Variants in RAB5B observed in about 807,000 individuals in gnomAD.
RAB5B encodes ras-related protein Rab-5B.
Under a neutral mutation model 28.6 loss-of-function variants are expected in RAB5B, and 11 were observed. The observed-to-expected ratio is 0.38, with a 90% confidence interval of 0.24 to 0.64. The LOEUF (loss-of-function observed/expected upper bound fraction) is 0.64, where lower values mean the gene tolerates loss of function less well. Ranked by LOEUF, RAB5B falls within the 30% of genes least tolerant of loss-of-function variation. The pLI, the probability that RAB5B is intolerant of heterozygous loss-of-function variation, is 0.53. For synonymous variants in RAB5B, 93 were observed against 97.9 expected (o/e 0.95, Z 0.29); for missense variants, 169 against 265.6 (o/e 0.64, Z 2.53).
chr12:55,978,275 G>A (rs1252299771), intron 1 of RAB5B, among the ~76,000 whole-genome samples: 2 of 152,174 alleles, frequency 1.3e-5, no homozygotes, highest in Non-Finnish European at 2.9e-5. Context: ...TGAGGCGGGT[G>A]GATCACGAGG....
intron 1 of RAB5B, among the ~76,000 whole-genome samples, chr12:55,977,348 T>G (rs1377670950): frequency 6.6e-6 from 1 of 152,144 alleles, no homozygotes; most frequent in Non-Finnish European, 1.5e-5. Context: ...TAAGAGAGTT[T>G]AGGAGTAGAA....
intron 1 of RAB5B, chr12:55,980,717 A>T: frequency 2.5e-6 from 4 of 1,579,518 alleles, no homozygotes; most frequent in Non-Finnish European, 2.6e-6. Flanking sequence ...ATTCTCCATG[A>T]TGCTTTTCAT....
chr12:55,987,335 A>G (rs985739487), intron 2 of RAB5B, among the ~76,000 whole-genome samples: 3 of 151,482 alleles, frequency 2.0e-5, no homozygotes, highest in Non-Finnish European at 4.4e-5. Context: ...TAATTTTTGT[A>G]TTTTTAGTGG....
chr12:55,977,057 G>A (rs552238500), intron 1 of RAB5B, among the ~76,000 whole-genome samples: 93 of 152,004 alleles, frequency 6.1e-4, no homozygotes, highest in Admixed American at 9.8e-4. Context: ...TCACTGCAAC[G>A]TCTGCCTCCT....
rs1432681953 is a variant in RAB5B at position 55,995,997 on chromosome 12, A to ATTTTTTT, written c.*3786_*3787insTTTTTTT. ...CATATATATATACATATATATATAT[A>ATTTTTTT]TATATATTTTTTTTTTAACAACTGG... On this transcript the variant is annotated 3_prime_UTR_variant, in exon 6 of 6. Coordinates refer to ENST00000360299, the MANE Select transcript of RAB5B (RefSeq NM_002868.4). 1 of 100,472 alleles carries ATTTTTTT rather than the reference A, an allele frequency of 1.0e-5. No individual in the cohort carries two copies. The highest frequency in any genetic ancestry group is 1.9e-5 in the Non-Finnish European group (1 of 51,972). The allele number at this position is 100,472 out of a possible 1,614,324, so 6.2% of individuals were successfully genotyped here.
chr12:55,977,282 C>CGT (rs66505706), intron 1 of RAB5B, among the ~76,000 whole-genome samples: 167 of 150,970 alleles, frequency 1.1e-3, no homozygotes, highest in South Asian at 8.6e-3. Flanking sequence ...GCCGTGTGTG[C>CGT]GTGTGTGTGT....
At chr12:55,988,537 T>G (rs1890019942) in intron 2 of RAB5B, among the ~76,000 whole-genome samples, 1 of 152,188 alleles carries the variant, frequency 6.6e-6, no homozygotes, top group Admixed American at 6.5e-5. Flanking sequence ...AGACGGAGTC[T>G]CTGTCGCCCA....
rs980646033 is a variant in RAB5B, at chr12:55,992,666, G to A, written c.*454G>A. 8.1e-5 allele frequency: 32 copies of A among 397,504 alleles called. 1 individual carries two copies. Among genetic ancestry groups the A allele is most frequent in the Middle Eastern group, 6.9e-4 (2 of 2,878 alleles). The allele number at this position is 397,504 out of a possible 1,614,324, so 24.6% of individuals were successfully genotyped here. ...GAAAGTGGTGAACCCAGGAACTGAGGAAGGAGGTTTCCAGTTCATTTACAT... is the reference window on the plus strand; with the variant it reads ...GAAAGTGGTGAACCCAGGAACTGAGAAAGGAGGTTTCCAGTTCATTTACAT... On this transcript the variant is annotated 3_prime_UTR_variant, in exon 6 of 6. Coordinates refer to ENST00000360299, the MANE Select transcript of RAB5B (RefSeq NM_002868.4).
At position 55,995,992 on chromosome 12, in the gene RAB5B, TATATATA is replaced by T. The variant is rs1488314608; in HGVS notation, c.*3781_*3787del. The T allele has an allele frequency of 1.8e-5, 2 of 112,978 alleles. No individual in the cohort carries two copies. Among genetic ancestry groups the T allele is most frequent in the African/African-American group, 7.0e-5 (2 of 28,668 alleles). 7.0% of individuals were successfully genotyped at this position (112,978 alleles called of 1,614,324 possible). On this transcript the variant is annotated 3_prime_UTR_variant, in exon 6 of 6. Transcript: ENST00000360299. Reference sequence around the variant, plus strand: ...CTCTCCATATATATATACATATATATATATATATATATTTTTTTTTTAACAACTGGTA... The same window carrying T: ...CTCTCCATATATATATACATATATATTATATTTTTTTTTTAACAACTGGTA...
At chr12:55,978,327 G>A (rs1299522670) in intron 1 of RAB5B, among the ~76,000 whole-genome samples, 3 of 152,022 alleles carry the variant, frequency 2.0e-5, no homozygotes, top group South Asian at 4.1e-4. Context: ...GTGAAACCCC[G>A]TCTCTACTAA....
Position 55,994,311 on chromosome 12 carries a change from CT to C in RAB5B, c.*2102del, listed in dbSNP as rs1890223496. The C allele has an allele frequency of 1.3e-5, 2 of 152,326 alleles. No individual in the cohort carries two copies. The highest frequency in any genetic ancestry group is 6.5e-5 in the Admixed American group (1 of 15,278). 9.4% of individuals were successfully genotyped at this position (152,326 alleles called of 1,614,324 possible). ...GAAATGAAGTTCTTTCTCTGTGCAG[CT>C]TTCCCCCTTGGAGCAGGAGTGAAGA... On this transcript the variant is annotated 3_prime_UTR_variant, in exon 6 of 6. Transcript: ENST00000360299.
intron 1 of RAB5B, among the ~76,000 whole-genome samples, chr12:55,982,630 G>T (rs935292842): frequency 6.6e-6 from 1 of 152,152 alleles, no homozygotes. Flanking sequence ...AGGGTACGAG[G>T]TAGTCTTTTC....
Position 55,992,121 on chromosome 12 carries a change from C to A in RAB5B, c.557C>A (p.Pro186His). The change falls in exon 6 of 6, where the codon CCC becomes CAC. Residue 186 changes from proline to histidine, a missense_variant. By Grantham distance (77) the Pro-to-His change is moderately conservative. This residue lies in a region of RAB5B where 123 missense variants were observed against 162.4 expected (regional missense o/e 0.76). Coordinates refer to ENST00000360299, the MANE Select transcript of RAB5B (RefSeq NM_002868.4). ...GCTAAGAAGTTGCCAAAGAGTGAAC[C>A]CCAGAATCTGGGAGGTGCAGCAGGC... Reference protein sequence around the residue: ...AIAKKLPKSEPQNLGGAAGRS... With the variant: ...AIAKKLPKSEHQNLGGAAGRS... The A allele has an allele frequency of 6.2e-7, 1 of 1,614,080 alleles. No individual in the cohort carries two copies. Among genetic ancestry groups the A allele is most frequent in the Non-Finnish European group, 8.5e-7 (1 of 1,179,998 alleles).
At chr12:55,988,282 A>T (rs1890011477) in intron 2 of RAB5B, among the ~76,000 whole-genome samples, 2 of 152,218 alleles carry the variant, frequency 1.3e-5, no homozygotes, top group Non-Finnish European at 2.9e-5. Flanking sequence ...CAGTGAGCCA[A>T]AATCACGCCA....
At position 55,984,256 on chromosome 12, in the gene RAB5B, C is replaced by T. The variant is rs1592799876; in HGVS notation, c.-92-2613C>T. Reference sequence around the variant, plus strand: ...CCAGGCTGGAGTACAGTGGTGCAATCTCAGCTCACTGCAACCTCCACCTCA... The same window carrying T: ...CCAGGCTGGAGTACAGTGGTGCAATTTCAGCTCACTGCAACCTCCACCTCA... On this transcript the variant is annotated intron_variant, in intron 1 of 5. Coordinates refer to ENST00000360299, the MANE Select transcript of RAB5B (RefSeq NM_002868.4). 2.6e-5 allele frequency among the ~76,000 whole-genome samples: 4 copies of T among 151,344 alleles called. No homozygotes were observed. In the South Asian group the frequency reaches 8.3e-4, roughly 31 times the overall value.
intron 1 of RAB5B, among the ~76,000 whole-genome samples, chr12:55,981,210 C>T (rs765379080): frequency 1.4e-4 from 21 of 151,962 alleles, no homozygotes; most frequent in Non-Finnish European, 2.5e-4. Flanking sequence ...ATTACAGGCA[C>T]GCACCACCAC....
At chr12:55,988,969 T>C (rs576414527) in intron 2 of RAB5B, among the ~76,000 whole-genome samples, 1 of 128,324 alleles carries the variant, frequency 7.8e-6, no homozygotes, top group African/African-American at 2.9e-5. Context: ...GGATACTGAG[T>C]CTCACCCTGT....
rs1890064758 is a variant in RAB5B at position 55,990,091 on chromosome 12, C to T, written c.308C>T (p.Thr103Ile). ...AQAAIVVYDI[T>I]NQETFARAKT... ...GCTGCAATCGTGGTTTACGACATTACTAATCAGGTAAGTGAGCTAAGAAGA... is the reference window on the plus strand; with the variant it reads ...GCTGCAATCGTGGTTTACGACATTATTAATCAGGTAAGTGAGCTAAGAAGA... The change falls in exon 3 of 6, where the codon ACT becomes ATT. Residue 103 changes from threonine (T) to isoleucine (I), a missense_variant. By Grantham distance (89) the Thr-to-Ile change is moderately conservative. Coordinates refer to ENST00000360299, the MANE Select transcript of RAB5B (RefSeq NM_002868.4). 6.2e-7 allele frequency: 1 copy of T among 1,613,398 alleles called. No homozygotes were observed. Among genetic ancestry groups the T allele is most frequent in the East Asian group, 2.2e-5 (1 of 44,878 alleles).
intron 1 of RAB5B, among the ~76,000 whole-genome samples, chr12:55,985,276 A>T (rs773114): frequency 0.39 from 59,682 of 151,934 alleles, 11,958 homozygotes; most frequent in African/African-American, 0.44. Context: ...GTTACTGAAA[A>T]TTTTTAACCC....
Sources: allele counts gnomAD v4.1 joint callset (sites outside exome capture counted in the v4.1 genomes callset), GRCh38; gene constraint gnomAD v4.1.1; regional missense constraint gnomAD v4.1.1; transcripts MANE v1.5; gene names NCBI Gene and HGNC (gene_info 2026-07-23, HGNC 2026-07-21).